The following LAMA1 variants were observed in gnomAD, a reference collection of about 807,000 sequenced individuals.
The protein encoded by LAMA1 is laminin subunit alpha-1.
Under a neutral mutation model 348.7 loss-of-function variants are expected in LAMA1, and 219 were observed. The observed-to-expected ratio is 0.63, with a 90% CI of 0.56 to 0.70. The LOEUF (loss-of-function observed/expected upper bound fraction) is 0.70. LAMA1 is among the 30% of genes least tolerant of loss of function. The pLI is 0.00. For missense variants in LAMA1, 3,744 were observed against 3,888.0 expected (o/e 0.96, Z 0.99); for synonymous variants, 1,487 against 1,491.0 (o/e 1.00, Z 0.06).
chr18:6,980,755 A>G (rs1013457844), intron 41 of LAMA1, 118 bp from the exon 42 acceptor site: 8 of 664,970 alleles, frequency 1.2e-5, no homozygotes, highest in Admixed American at 1.1e-4. Flanking sequence ...GAGATTCCCA[A>G]TATTGACAGT....
At chr18:7,096,395 A>G (rs2058261257) in intron 1 of LAMA1, among the ~76,000 whole-genome samples, 1 of 152,146 alleles carries the variant, frequency 6.6e-6, no homozygotes, top group Non-Finnish European at 1.5e-5. Flanking sequence ...TACATTTTAG[A>G]GCTGGGCATC....
At chr18:7,117,076 C>A (rs1164660603) in intron 1 of LAMA1, among the ~76,000 whole-genome samples, 1 of 152,162 alleles carries the variant, frequency 6.6e-6, no homozygotes, top group Non-Finnish European at 1.5e-5. Context: ...GCGGGTCCCC[C>A]TGCCCGGGAC....
rs1001171438 is a variant in LAMA1 at position 6,951,935 on chromosome 18, C to G, written c.8208-964G>C. Among the ~76,000 whole-genome samples, 8 of 152,150 alleles carry G rather than the reference C, an allele frequency of 5.3e-5. 1 individual carries two copies. Among genetic ancestry groups the G allele is most frequent in the Admixed American group, 4.6e-4 (7 of 15,286 alleles). The stretch of plus-strand genomic sequence containing the variant: ...GGAGAGCAGGACTGAGGGAAGCCTG[C>G]GAATTCCATTCGGGGTGATGAGGCC... On this transcript the variant is annotated intron_variant, in intron 57 of 62. Transcript: ENST00000389658.
At chr18:7,074,587 G>T (rs2058159340) in intron 3 of LAMA1, among the ~76,000 whole-genome samples, 1 of 152,116 alleles carries the variant, frequency 6.6e-6, no homozygotes, top group African/African-American at 2.4e-5. Flanking sequence ...TAAACCACTT[G>T]GTGAGCAGCA....
chr18:7,022,321 C>T (rs1394418046), intron 19 of LAMA1, among the ~76,000 whole-genome samples: 1 of 152,174 alleles, frequency 6.6e-6, no homozygotes, highest in Admixed American at 6.5e-5. Flanking sequence ...TTCTACAAAT[C>T]GTGAAGCCTT....
intron 1 of LAMA1, among the ~76,000 whole-genome samples, chr18:7,109,916 G>A (rs1482626109): frequency 6.6e-6 from 1 of 152,196 alleles, no homozygotes; most frequent in African/African-American, 2.4e-5. Flanking sequence ...GGGTGCGGTG[G>A]CTCACGCCTG....
chr18:6,987,025 C>T (rs534786111), intron 36 of LAMA1, among the ~76,000 whole-genome samples: 2 of 152,306 alleles, frequency 1.3e-5, no homozygotes, highest in South Asian at 4.1e-4. Flanking sequence ...TCTCAAAGTG[C>T]TGGGATTACA....
intron 29 of LAMA1, among the ~76,000 whole-genome samples, chr18:7,002,997 C>T (rs2057814816): frequency 6.6e-6 from 1 of 151,830 alleles, no homozygotes; most frequent in African/African-American, 2.4e-5. Flanking sequence ...TCTCCTGCCT[C>T]AGCCTCTCGA....
At chr18:6,977,941 A>C in intron 43 of LAMA1, 60 bp from the exon 44 acceptor site, 1 of 1,559,686 alleles carries the variant, frequency 6.4e-7, no homozygotes, top group Non-Finnish European at 8.7e-7. Flanking sequence ...AAAACAAGAT[A>C]ATTAATTGTC....
At chr18:7,049,033 T>A in intron 5 of LAMA1, 45 bp downstream of exon 5, 1 of 1,548,566 alleles carries the variant, frequency 6.5e-7, no homozygotes, top group Middle Eastern at 1.7e-4. Flanking sequence ...TTAAATAAAA[T>A]GAATCTTTTT....
intron 1 of LAMA1, among the ~76,000 whole-genome samples, chr18:7,090,137 G>A (rs990730379): frequency 1.4e-4 from 21 of 152,154 alleles, no homozygotes; most frequent in African/African-American, 5.1e-4. Context: ...CATAACAGGA[G>A]TCCCCTGCTT....
At chr18:6,975,829 A>G in intron 45 of LAMA1, 108 bp downstream of exon 45, 1 of 1,334,140 alleles carries the variant, frequency 7.5e-7, no homozygotes, top group Non-Finnish European at 1.1e-6. Context: ...TGGGAGATTT[A>G]GAGATTTCAC....
rs71165720 is a variant in LAMA1 at position 7,095,122 on chromosome 18, TTCTCTC to T, written c.62-14671_62-14666del. On this transcript the variant is annotated intron_variant, in intron 1 of 62. Coordinates refer to ENST00000389658, the MANE Select transcript of LAMA1 (RefSeq NM_005559.4). ...CTGTTCCCTGGTTGCCTCAGGACCTTTCTCTCTCTCTCTCTCTCTCTCTCTCTCTCT... is the reference window on the plus strand; with the variant it reads ...CTGTTCCCTGGTTGCCTCAGGACCTTTCTCTCTCTCTCTCTCTCTCTCTCT... Among the ~76,000 whole-genome samples, 1,146 of 126,534 alleles carry T rather than the reference TTCTCTC, an allele frequency of 9.1e-3. 16 individuals carry two copies. The highest frequency in any genetic ancestry group is 0.026 in the East Asian group (114 of 4,464). 83.0% of individuals were successfully genotyped at this position (126,534 alleles called of 152,430 possible).
chr18:7,017,978 C>T (rs11661264), intron 19 of LAMA1, among the ~76,000 whole-genome samples: 1 of 152,042 alleles, frequency 6.6e-6, no homozygotes, highest in Non-Finnish European at 1.5e-5. Flanking sequence ...TACAATCTTA[C>T]GGGTCCAAAA....
At chr18:6,954,019 C>T (rs1455828810) in intron 57 of LAMA1, 1 of 152,538 alleles carries the variant, frequency 6.6e-6, no homozygotes, top group African/African-American at 2.4e-5. Flanking sequence ...GGAGCTCTTT[C>T]TTCTCAACGA....
intron 45 of LAMA1, among the ~76,000 whole-genome samples, chr18:6,975,525 C>T (rs896220341): frequency 2.0e-5 from 3 of 152,240 alleles, no homozygotes; most frequent in African/African-American, 4.8e-5. Context: ...CTACACACCC[C>T]AGGCTTCTGA....
chr18:6,982,291 G>C (rs2057715213), intron 41 of LAMA1, among the ~76,000 whole-genome samples: 1 of 152,116 alleles, frequency 6.6e-6, no homozygotes, highest in Non-Finnish European at 1.5e-5. Context: ...GATATCACTA[G>C]AATAAAAATG....
chr18:7,008,734 T>C lies in LAMA1; in HGVS notation c.4002-126A>G, dbSNP rs979663358. On this transcript the variant is annotated intron_variant, in intron 27 of 62. Transcript: ENST00000389658. ...TTTCTTCCCTGTTTGGAGTAGTTCC[T>C]GCTTGTGATTGTAAGTGAAGTGTGT... 3 of 1,065,970 alleles carry C rather than the reference T, an allele frequency of 2.8e-6. No individual in the cohort carries two copies. The African/African-American group carries it at 4.7e-5, about 17-fold the overall frequency. 66.0% of individuals were successfully genotyped at this position (1,065,970 alleles called of 1,614,324 possible). A position where few individuals can be genotyped will look rare whatever the true frequency, so the allele number is the denominator to read the frequency against.
At chr18:6,956,406 G>A (rs759221934) in intron 56 of LAMA1, 12 of 691,616 alleles carry the variant, frequency 1.7e-5, no homozygotes, top group African/African-American at 3.5e-5. Context: ...AGCCCAATGC[G>A]CGGCCTGGGT....
Sources: allele counts gnomAD v4.1 joint callset (sites outside exome capture counted in the v4.1 genomes callset), GRCh38; gene constraint gnomAD v4.1.1; transcripts MANE v1.5; gene names NCBI Gene and HGNC (gene_info 2026-07-23, HGNC 2026-07-21).